The following SPATA16 variants were observed in gnomAD, a reference collection of about 807,000 sequenced individuals.
The protein encoded by SPATA16 is spermatogenesis associated 16.
Under a neutral mutation model 63.3 loss-of-function variants are expected in SPATA16, and 36 were observed. That is an observed-to-expected ratio of 0.57 (90% confidence interval 0.44 to 0.75). SPATA16 has a LOEUF of 0.75. Ranked by LOEUF, SPATA16 falls within the 30% of genes least tolerant of loss-of-function variation. The probability of loss-of-function intolerance (pLI) is 0.00; values close to 1 mark genes in which losing one functional copy is unlikely to be tolerated. For synonymous variants in SPATA16, 203 were observed against 216.7 expected, an observed-to-expected ratio of 0.94 and a Z score of 0.56; for missense variants, 646 against 679.3, an observed-to-expected ratio of 0.95 and a Z score of 0.54.
chr3:173,067,780 A>T (rs958270609), intron 2 of SPATA16, among the ~76,000 whole-genome samples: 4 of 152,214 alleles, frequency 2.6e-5, no homozygotes, highest in Non-Finnish European at 5.9e-5. Context: ...AACGACAAGC[A>T]GATCCAACAG....
At chr3:173,134,435 G>A (rs1738477802) in intron 1 of SPATA16, among the ~76,000 whole-genome samples, 1 of 151,788 alleles carries the variant, frequency 6.6e-6, no homozygotes, top group Non-Finnish European at 1.5e-5. Flanking sequence ...GTTGCAATGA[G>A]CTAAGATTGC....
intron 5 of SPATA16, among the ~76,000 whole-genome samples, chr3:172,960,087 A>G (rs1388723678): frequency 6.6e-6 from 1 of 152,064 alleles, no homozygotes; most frequent in Non-Finnish European, 1.5e-5. Context: ...ACATTAAAAT[A>G]TAAAAGATAG....
chr3:173,058,322 TA>T (rs1208321830), intron 2 of SPATA16, among the ~76,000 whole-genome samples: 2 of 152,168 alleles, frequency 1.3e-5, no homozygotes, highest in Non-Finnish European at 2.9e-5. Flanking sequence ...CTCAGTATCA[TA>T]CATAATGTAC....
chr3:172,995,531 G>A (rs1165751988), intron 4 of SPATA16, among the ~76,000 whole-genome samples: 2 of 151,972 alleles, frequency 1.3e-5, no homozygotes, highest in African/African-American at 2.4e-5. Flanking sequence ...GAGATATAAC[G>A]TATAGAAAAA....
At chr3:172,919,080 T>G (rs947680886) in intron 8 of SPATA16, among the ~76,000 whole-genome samples, 3 of 152,208 alleles carry the variant, frequency 2.0e-5, no homozygotes, top group Non-Finnish European at 4.4e-5. Context: ...AAATTAAAAG[T>G]AAAATTAATG....
At chr3:172,967,490 T>G (rs920596186) in intron 5 of SPATA16, among the ~76,000 whole-genome samples, 1 of 152,226 alleles carries the variant, frequency 6.6e-6, no homozygotes, top group African/African-American at 2.4e-5. Flanking sequence ...TATATGTTAT[T>G]TTCATAGTGA....
chr3:172,906,222 A>G (rs918266304), intron 10 of SPATA16, among the ~76,000 whole-genome samples: 1 of 152,248 alleles, frequency 6.6e-6, no homozygotes, highest in East Asian at 1.9e-4. Flanking sequence ...TTCAATGGTA[A>G]CAGAAAATCA....
chr3:173,045,148 C>T (rs1162811789), intron 3 of SPATA16, among the ~76,000 whole-genome samples: 1 of 152,142 alleles, frequency 6.6e-6, no homozygotes, highest in East Asian at 1.9e-4. Flanking sequence ...AGACTTCTGT[C>T]TCTCAACCCT....
At chr3:173,032,245 A>G (rs370038055) in intron 3 of SPATA16, among the ~76,000 whole-genome samples, 8 of 152,086 alleles carry the variant, frequency 5.3e-5, no homozygotes, top group Admixed American at 3.3e-4. Context: ...TAAATTATTG[A>G]ATTATCTCAA....
intron 3 of SPATA16, among the ~76,000 whole-genome samples, chr3:173,023,263 A>AT (rs1431020778): frequency 6.6e-6 from 1 of 151,654 alleles, no homozygotes; most frequent in Non-Finnish European, 1.5e-5. Context: ...AATTCGCTTG[A>AT]TAAATAATCC....
chr3:172,951,222 A>T lies in SPATA16; in HGVS notation c.1081+5455T>A, dbSNP rs951706741. On this transcript the variant is annotated intron_variant, in intron 6 of 10. Transcript: ENST00000351008. ...AAATCAGTAATTTTTTTCTCCATGA[A>T]ATATAATACAATACAGCTCTATTAT... is the stretch of plus-strand genomic sequence containing the variant. 2.0e-5 allele frequency among the ~76,000 whole-genome samples: 3 copies of T among 152,286 alleles called. No individual in the cohort carries two copies. In the South Asian group the frequency reaches 6.2e-4, roughly 32 times the overall value.
chr3:173,084,269 C>T (rs879806294), intron 2 of SPATA16, among the ~76,000 whole-genome samples: 1 of 151,944 alleles, frequency 6.6e-6, no homozygotes, highest in Non-Finnish European at 1.5e-5. Flanking sequence ...TAATGATCAG[C>T]GATGTTGAGC....
intron 2 of SPATA16, among the ~76,000 whole-genome samples, chr3:173,088,063 T>TTTC (rs1205057120): frequency 1.5e-5 from 2 of 137,682 alleles, no homozygotes; most frequent in Non-Finnish European, 3.2e-5. Flanking sequence ...TCTTTCTTTC[T>TTTC]TTCTTTCTTT....
intron 1 of SPATA16, among the ~76,000 whole-genome samples, chr3:173,136,277 T>C (rs1410419596): frequency 6.6e-6 from 1 of 152,232 alleles, no homozygotes; most frequent in East Asian, 1.9e-4. Flanking sequence ...GCACTGAACA[T>C]GTAGCAGTTG....
At chr3:173,100,664 ACAC>A in intron 2 of SPATA16, among the ~76,000 whole-genome samples, 1 of 52,570 alleles carries the variant, frequency 1.9e-5, no homozygotes, top group Non-Finnish European at 3.8e-5. Flanking sequence ...TAAACAGCAC[ACAC>A]ACACACACAC....
chr3:172,967,892 T>C (rs921775664), intron 5 of SPATA16, among the ~76,000 whole-genome samples: 1 of 152,216 alleles, frequency 6.6e-6, no homozygotes, highest in Non-Finnish European at 1.5e-5. Flanking sequence ...TGGTGAGTTG[T>C]ATAATTATTT....
Position 173,135,532 on chromosome 3 carries a change from A to C in SPATA16, c.-19+5571T>G, listed in dbSNP as rs542364134. Among the ~76,000 whole-genome samples, 3 of 152,304 alleles carry C rather than the reference A, an allele frequency of 2.0e-5. No individual in the cohort carries two copies. In the East Asian group the frequency reaches 5.8e-4, roughly 29 times the overall value. ...ACATAATAACATTGAAAACATTCCA[A>C]ATGCCCATGAATCATAGAAAAGATA... On this transcript the variant is annotated intron_variant, in intron 1 of 10. Transcript: ENST00000351008.
At position 172,913,681 on chromosome 3, in the gene SPATA16, C is replaced by T. The variant is rs1732419899; in HGVS notation, c.1567G>A (p.Val523Met). The change falls in exon 10 of 11, where the codon GTG becomes ATG. Residue 523 changes from valine to methionine, a missense_variant. Val to Met is a conservative substitution (Grantham distance 21). Transcript: ENST00000351008. The part of the protein sequence containing the change: ...LEGRRNNNER[V>M]WNMIQKVGQI... ...TTTACCTTTTGGATCATATTCCACA[C>T]ACGTTCATTATTGTTTCTTCTTCCT... 1.2e-6 allele frequency: 2 copies of T among 1,613,628 alleles called. No individual in the cohort carries two copies. Among genetic ancestry groups the T allele is most frequent in the South Asian group, 2.2e-5 (2 of 91,072 alleles).
chr3:173,085,999 T>C (rs959368877), intron 2 of SPATA16, among the ~76,000 whole-genome samples: 1 of 109,010 alleles, frequency 9.2e-6, no homozygotes, highest in African/African-American at 3.5e-5. Flanking sequence ...CTTTCTTTTG[T>C]TTTTTTTGTA....
Sources: gnomAD v4.1 joint callset for allele counts (sites outside exome capture counted in the v4.1 genomes callset) on GRCh38, gnomAD v4.1.1 for gene constraint, MANE v1.5 for transcripts, NCBI Gene and HGNC (gene_info 2026-07-23, HGNC 2026-07-21) for gene names.